ELK3: variants seen among roughly 807,000 people sequenced by gnomAD.
The protein encoded by ELK3 is ETS domain-containing protein Elk-3.
Under a neutral mutation model 28.9 loss-of-function variants are expected in ELK3, and 10 were observed. The observed-to-expected ratio is 0.35, with a 90% CI of 0.21 to 0.59. The LOEUF (loss-of-function observed/expected upper bound fraction) is 0.59, where lower values mean the gene tolerates loss of function less well. ELK3 is among the 20% of genes least tolerant of loss of function. The pLI, the probability that ELK3 is intolerant of heterozygous loss-of-function variation, is 0.82. For missense variants in ELK3, 463 were observed against 517.3 expected (o/e 0.90, Z 1.02); for synonymous variants, 272 against 243.5 (o/e 1.12, Z -1.09).
At chr12:96,235,108 G>A (rs566913563) in intron 2 of ELK3, among the ~76,000 whole-genome samples, 1 of 152,150 alleles carries the variant, frequency 6.6e-6, no homozygotes, top group South Asian at 2.1e-4. Context: ...ACTCCTCTGC[G>A]TGTGCGCCTC....
intron 2 of ELK3, among the ~76,000 whole-genome samples, chr12:96,229,695 C>T (rs375785501): frequency 6.6e-6 from 1 of 151,930 alleles, no homozygotes; most frequent in African/African-American, 2.4e-5. Context: ...CCACACCTGG[C>T]GAATTTTTGT....
chr12:96,239,945 C>T (rs774865699), intron 2 of ELK3, among the ~76,000 whole-genome samples: 9 of 152,244 alleles, frequency 5.9e-5, no homozygotes, highest in South Asian at 2.1e-4. Flanking sequence ...AGCATCTAAG[C>T]GGAGCACTTG....
chr12:96,231,370 A>G (rs192297890), intron 2 of ELK3, among the ~76,000 whole-genome samples: 19 of 152,340 alleles, frequency 1.2e-4, no homozygotes, highest in Admixed American at 1.1e-3. Flanking sequence ...CTTAGAGTAG[A>G]GAAGAGCGGG....
At chr12:96,213,789 G>C (rs922453736) in intron 1 of ELK3, 3 of 152,054 alleles carry the variant, frequency 2.0e-5, no homozygotes, top group African/African-American at 7.2e-5. Flanking sequence ...GCAGTGATGT[G>C]ATCACAGCTC....
chr12:96,232,296 T>A (rs1462417134), intron 2 of ELK3, among the ~76,000 whole-genome samples: 1 of 152,098 alleles, frequency 6.6e-6, no homozygotes, highest in Non-Finnish European at 1.5e-5. Context: ...GCTGGCTGGG[T>A]GCGGTGGCTC....
rs576371318 is a variant in ELK3, at chr12:96,225,122, GT to G, written c.207+1353del. 1.3e-4 allele frequency among the ~76,000 whole-genome samples: 20 copies of G among 152,330 alleles called. No homozygotes were observed. The South Asian group carries it at 3.7e-3, about 28-fold the overall frequency. ...CTGAAAGCCTCGCAGATGGCTTATT[GT>G]TTTGCGTGTTTTCCCAGGTTCTAAA... On this transcript the variant is annotated intron_variant, in intron 2 of 4. Coordinates refer to ENST00000228741, the MANE Select transcript of ELK3 (RefSeq NM_005230.4).
At chr12:96,195,666 A>C (rs1359655927) in intron 1 of ELK3, among the ~76,000 whole-genome samples, 1 of 152,168 alleles carries the variant, frequency 6.6e-6, no homozygotes, top group East Asian at 1.9e-4. Flanking sequence ...TAGAAAGAAA[A>C]AAAAACGAGT....
intron 1 of ELK3, among the ~76,000 whole-genome samples, chr12:96,203,273 A>G (rs530188476): frequency 6.6e-6 from 1 of 152,328 alleles, no homozygotes; most frequent in Admixed American, 6.5e-5. Flanking sequence ...CCGGGAACCA[A>G]ATAGATGTGA....
chr12:96,213,946 ACTC>A (rs1328849095), intron 1 of ELK3: 1 of 148,952 alleles, frequency 6.7e-6, no homozygotes, highest in African/African-American at 2.5e-5. Context: ...CTGGTCTTGA[ACTC>A]CTAGGCACAA....
chr12:96,262,747 T>C (rs187474363), intron 4 of ELK3, among the ~76,000 whole-genome samples: 1 of 152,184 alleles, frequency 6.6e-6, no homozygotes, highest in African/African-American at 2.4e-5. Flanking sequence ...TTTTTAAAAC[T>C]AGATGTTACA....
intron 2 of ELK3, among the ~76,000 whole-genome samples, chr12:96,228,442 A>AAAAAAAAAAAAAAAAAAAG (rs761298726): frequency 9.1e-5 from 13 of 142,634 alleles, no homozygotes; most frequent in South Asian, 2.3e-4. Flanking sequence ...AAAAAAAAAA[A>AAAAAAAAAAAAAAAAAAAG]AAGAAGATCA....
intron 1 of ELK3, among the ~76,000 whole-genome samples, chr12:96,196,710 T>C (rs1951470944): frequency 2.6e-5 from 4 of 151,610 alleles, no homozygotes; most frequent in Admixed American, 2.0e-4. Flanking sequence ...GGCCTTTCTA[T>C]GCCAAATATA....
Position 96,247,476 on chromosome 12 carries a change from C to T in ELK3, c.744C>T (p.Pro248=), listed in dbSNP as rs1951866708. The T allele has an allele frequency of 5.6e-6, 9 of 1,614,114 alleles. No individual in the cohort carries two copies. Among genetic ancestry groups the T allele is most frequent in the Admixed American group, 1.7e-5 (1 of 60,022 alleles). ...PFSSRSPSLS[P]NSPLPSEHRS... ...CATCTCGGTCCCCGTCCCTGTCCCCCAACTCACCCCTCCCTTCTGAACACA... is the reference window on the plus strand; with the variant it reads ...CATCTCGGTCCCCGTCCCTGTCCCCTAACTCACCCCTCCCTTCTGAACACA... The change falls in exon 3 of 5, where the codon CCC becomes CCT. Residue 248 remains proline (P), a synonymous_variant. Coordinates refer to ENST00000228741, the MANE Select transcript of ELK3 (RefSeq NM_005230.4). This position sits in a 1 kb window ranked among gnomAD's most constrained non-coding sequence, Gnocchi z 5.5.
chr12:96,236,935 G>A (rs1266241929), intron 2 of ELK3, among the ~76,000 whole-genome samples: 1 of 152,142 alleles, frequency 6.6e-6, no homozygotes, highest in East Asian at 1.9e-4. Flanking sequence ...CTGGCTTCTT[G>A]TGGGCTCCAG....
chr12:96,214,761 A>G lies in ELK3; in HGVS notation c.-2-8804A>G, dbSNP rs193121130. 2.6e-5 allele frequency among the ~76,000 whole-genome samples: 4 copies of G among 152,304 alleles called. No homozygotes were observed. In the East Asian group the frequency reaches 5.8e-4, roughly 22 times the overall value. On this transcript the variant is annotated intron_variant, in intron 1 of 4. Transcript: ENST00000228741. ...TTTTTTTCAAATATTATCCTTATTT[A>G]CTTAATACCTTACACTTACTCTGTG...
At chr12:96,217,762 C>T (rs1004305653) in intron 1 of ELK3, among the ~76,000 whole-genome samples, 3 of 151,738 alleles carry the variant, frequency 2.0e-5, no homozygotes, top group Non-Finnish European at 2.9e-5. Flanking sequence ...ATGGTGAAAC[C>T]CTGTCTCCAC....
intron 1 of ELK3, among the ~76,000 whole-genome samples, chr12:96,216,700 G>C (rs572888482): frequency 6.6e-6 from 1 of 152,296 alleles, no homozygotes; most frequent in East Asian, 1.9e-4. Flanking sequence ...CACTTACTTT[G>C]CCCCAGGTGT....
At chr12:96,256,210 G>A (rs1592690831) in intron 3 of ELK3, among the ~76,000 whole-genome samples, 1 of 152,156 alleles carries the variant, frequency 6.6e-6, no homozygotes, top group East Asian at 1.9e-4. Context: ...GGAAATGAGG[G>A]ATAAACAGGA....
At chr12:96,223,924 C>A in intron 2 of ELK3, 151 bp downstream of exon 2, 2 of 794,244 alleles carry the variant, frequency 2.5e-6, no homozygotes, top group Non-Finnish European at 3.9e-6. Flanking sequence ...AAAAGCTGTG[C>A]TGTAGGGATT....
Sources: gnomAD v4.1 joint callset for allele counts (sites outside exome capture counted in the v4.1 genomes callset) on GRCh38, gnomAD v4.1.1 for gene constraint, Gnocchi (gnomAD v3.1) non-coding constraint, MANE v1.5 for transcripts, NCBI Gene and HGNC (gene_info 2026-07-23, HGNC 2026-07-21) for gene names.